ANK3: variants seen among roughly 807,000 people sequenced by gnomAD.
ANK3 encodes ankyrin 3, also known as ankyrin-3.
In ANK3, 57 loss-of-function variants were observed where a neutral mutation model predicts 370.9. That is an observed-to-expected ratio of 0.15 (90% CI 0.12 to 0.19). The LOEUF (loss-of-function observed/expected upper bound fraction) is 0.19, where lower values mean the gene tolerates loss of function less well. Ranked by LOEUF, ANK3 falls within the 10% of genes least tolerant of loss-of-function variation. The pLI is 1.00. For synonymous variants in ANK3, 1,929 were observed against 1,946.3 expected, an observed-to-expected ratio of 0.99 and a Z score of 0.23; for missense variants, 4,439 against 5,302.1, an observed-to-expected ratio of 0.84 and a Z score of 5.06.
At chr10:60,081,101 G>A (rs1041575842) in intron 35 of ANK3, among the ~76,000 whole-genome samples, 15 of 152,076 alleles carry the variant, frequency 9.9e-5, no homozygotes, top group Admixed American at 7.9e-4. Flanking sequence ...GGCAGAGGAG[G>A]GTAGGGACGG....
chr10:60,088,105 T>C (rs751575605), intron 29 of ANK3, 42 bp downstream of exon 29: 1 of 1,521,248 alleles, frequency 6.6e-7, no homozygotes, highest in Non-Finnish European at 9.1e-7. Flanking sequence ...ACTCACATGC[T>C]CTCTGCGCAT....
intron 2 of ANK3, among the ~76,000 whole-genome samples, chr10:60,565,254 C>A (rs1046785053): frequency 1.3e-5 from 2 of 152,182 alleles, no homozygotes; most frequent in South Asian, 4.1e-4. Flanking sequence ...TGCCTCAGAT[C>A]ATCAGGCATT....
At chr10:60,036,400 C>G (rs372253959) in intron 43 of ANK3, among the ~76,000 whole-genome samples, 1 of 133,074 alleles carries the variant, frequency 7.5e-6, no homozygotes, top group African/African-American at 2.9e-5. Context: ...TGGAGCTCTG[C>G]GGAAGAGAGA....
intron 2 of ANK3, among the ~76,000 whole-genome samples, chr10:60,406,846 T>C (rs2063465991): frequency 1.3e-5 from 2 of 152,216 alleles, no homozygotes; most frequent in Non-Finnish European, 1.5e-5. Flanking sequence ...TTAGTTGTTT[T>C]TGTCTTTTTT....
At chr10:60,490,857 C>G (rs934420522) in intron 2 of ANK3, among the ~76,000 whole-genome samples, 1 of 152,102 alleles carries the variant, frequency 6.6e-6, no homozygotes, top group African/African-American at 2.4e-5. Flanking sequence ...ATTGTCTAAA[C>G]TTATGTAAAA....
At chr10:60,367,039 C>A (rs1358839887) in intron 1 of ANK3, among the ~76,000 whole-genome samples, 1 of 152,172 alleles carries the variant, frequency 6.6e-6, no homozygotes, top group African/African-American at 2.4e-5. Flanking sequence ...TTCCCAACAT[C>A]GTTCTAAAGA....
At chr10:60,600,538 C>A (rs1008994471) in intron 2 of ANK3, among the ~76,000 whole-genome samples, 2 of 152,100 alleles carry the variant, frequency 1.3e-5, no homozygotes, top group Non-Finnish European at 2.9e-5. Context: ...CTAAAATGAT[C>A]TTTTCCATTA....
At chr10:60,416,067 C>T (rs1174392171) in intron 2 of ANK3, among the ~76,000 whole-genome samples, 1 of 151,658 alleles carries the variant, frequency 6.6e-6, no homozygotes, top group Non-Finnish European at 1.5e-5. Flanking sequence ...AAAAAAGACC[C>T]AAGAAAGACC....
At chr10:60,578,761 A>G (rs2077712137) in intron 2 of ANK3, among the ~76,000 whole-genome samples, 1 of 152,134 alleles carries the variant, frequency 6.6e-6, no homozygotes, top group South Asian at 2.1e-4. Flanking sequence ...TATTCCAACA[A>G]CATAGAACTA....
chr10:60,266,921 G>A (rs1415423609), intron 5 of ANK3, among the ~76,000 whole-genome samples: 1 of 152,212 alleles, frequency 6.6e-6, no homozygotes, highest in Middle Eastern at 3.4e-3. Context: ...AATTACTCAT[G>A]GAATAAACGA....
At chr10:60,295,172 C>T (rs1304118505) in intron 1 of ANK3, among the ~76,000 whole-genome samples, 1 of 152,190 alleles carries the variant, frequency 6.6e-6, no homozygotes, top group African/African-American at 2.4e-5. Context: ...TAATATGTCA[C>T]TTTCTATTGG....
intron 2 of ANK3, among the ~76,000 whole-genome samples, chr10:60,594,621 G>A (rs1420164997): frequency 6.6e-6 from 1 of 151,376 alleles, no homozygotes; most frequent in Admixed American, 6.6e-5. Context: ...ACACACACAC[G>A]ACTATATGTG....
At chr10:60,331,635 G>C (rs2051347791) in intron 1 of ANK3, among the ~76,000 whole-genome samples, 1 of 150,646 alleles carries the variant, frequency 6.6e-6, no homozygotes, top group East Asian at 1.9e-4. Flanking sequence ...CTTCAAGCTT[G>C]CTTGAGGCCT....
chr10:60,470,845 G>A (rs1182838296), intron 2 of ANK3, among the ~76,000 whole-genome samples: 1 of 152,088 alleles, frequency 6.6e-6, no homozygotes, highest in Admixed American at 6.6e-5. Flanking sequence ...CGTTTACAGA[G>A]AGAACAAAAC....
At chr10:60,578,167 T>A (rs1288818199) in intron 2 of ANK3, among the ~76,000 whole-genome samples, 1 of 152,202 alleles carries the variant, frequency 6.6e-6, no homozygotes, top group Non-Finnish European at 1.5e-5. Flanking sequence ...TCTTTCCTGG[T>A]TATTCAGCCA....
At chr10:60,440,786 T>C (rs1193017687) in intron 2 of ANK3, among the ~76,000 whole-genome samples, 1 of 152,184 alleles carries the variant, frequency 6.6e-6, no homozygotes, top group South Asian at 2.1e-4. Flanking sequence ...GTTAAGAGAC[T>C]TACGTAACAA....
intron 1 of ANK3, among the ~76,000 whole-genome samples, chr10:60,352,262 C>T (rs1366368876): frequency 6.6e-6 from 1 of 152,288 alleles, no homozygotes; most frequent in East Asian, 1.9e-4. Flanking sequence ...CGCCACTGTA[C>T]TCCATCCAGC....
chr10:60,349,507 A>AT (rs34183574), intron 1 of ANK3, among the ~76,000 whole-genome samples: 103,688 of 151,210 alleles, frequency 0.69, 37,085 homozygotes, highest in South Asian at 0.91. Context: ...CTAGAACCAC[A>AT]TTTTTTTTTA....
chr10:60,716,542 A>AT (rs1466347932), intron 1 of ANK3, among the ~76,000 whole-genome samples: 2 of 151,976 alleles, frequency 1.3e-5, no homozygotes, highest in African/African-American at 4.8e-5. Context: ...TTTAAGAAAA[A>AT]TTTTTTTGTC....
Sources: gnomAD v4.1 joint callset for allele counts (sites outside exome capture counted in the v4.1 genomes callset) on GRCh38, gnomAD v4.1.1 for gene constraint, MANE v1.5 for transcripts, NCBI Gene and HGNC (gene_info 2026-07-23, HGNC 2026-07-21) for gene names.